The following CRTAM variants were observed in gnomAD, a reference collection of about 807,000 sequenced individuals.
The protein encoded by CRTAM is cytotoxic and regulatory T-cell molecule.
CRTAM carries 44 observed loss-of-function variants against 50.0 expected under a neutral mutation model. The observed-to-expected ratio is 0.88, with a 90% CI of 0.69 to 1.13. The LOEUF is 1.13. Among genes scored for constraint, CRTAM ranks in the 50% most tolerant of loss-of-function variants. The pLI, the probability that CRTAM is intolerant of heterozygous loss-of-function variation, is 0.00. For synonymous variants in CRTAM, 159 were observed against 169.3 expected (o/e 0.94, Z 0.47); for missense variants, 448 against 457.5 (o/e 0.98, Z 0.19).
chr11:122,845,457 C>A (rs1458858121), intron 1 of CRTAM, among the ~76,000 whole-genome samples: 2 of 151,988 alleles, frequency 1.3e-5, no homozygotes, highest in African/African-American at 4.8e-5. Context: ...GCCTGTAATC[C>A]CAGCACTTTG....
intron 1 of CRTAM, among the ~76,000 whole-genome samples, chr11:122,849,560 A>G (rs1468578053): frequency 1.3e-5 from 2 of 152,076 alleles, no homozygotes; most frequent in Non-Finnish European, 2.9e-5. Flanking sequence ...CGTCTCTACT[A>G]AAAACACAAA....
At chr11:122,839,674 T>G (rs1861776334) in intron 1 of CRTAM, among the ~76,000 whole-genome samples, 1 of 152,150 alleles carries the variant, frequency 6.6e-6, no homozygotes, top group Non-Finnish European at 1.5e-5. Flanking sequence ...TACAATTGTA[T>G]CAGATTCATG....
rs181278785 is a variant in CRTAM at position 122,854,498 on chromosome 11, C to T, written c.490+412C>T. ...GACCAGCCTGACCAACATGGAGAAA[C>T]CTCGTCCCTACTAAAAATAAAATTA... On this transcript the variant is annotated intron_variant, in intron 4 of 9. Coordinates refer to ENST00000227348, the MANE Select transcript of CRTAM (RefSeq NM_019604.4). Among the ~76,000 whole-genome samples the T allele has an allele frequency of 2.6e-4, 38 of 147,712 alleles. No individual in the cohort carries two copies. In the South Asian group the frequency reaches 4.3e-3, roughly 17 times the overall value.
At chr11:122,861,402 ATATATATATATATATATATTT>A (rs1862074372) in intron 5 of CRTAM, among the ~76,000 whole-genome samples, 3 of 17,186 alleles carry the variant, frequency 1.7e-4, no homozygotes, top group East Asian at 2.8e-3. Context: ...ATATATATAT[ATATATATATATATATATATTT>A]TTTTTTTTTT....
chr11:122,858,130 T>C (rs1269811710), intron 5 of CRTAM, among the ~76,000 whole-genome samples: 1 of 152,166 alleles, frequency 6.6e-6, no homozygotes, highest in Non-Finnish European at 1.5e-5. Flanking sequence ...CAGGCTGGTC[T>C]CAAAACTCCT....
chr11:122,868,220 G>A, intron 9 of CRTAM, 121 bp downstream of exon 9: 1 of 620,324 alleles, frequency 1.6e-6, no homozygotes, highest in Non-Finnish European at 2.9e-6. Flanking sequence ...GTGTGTGTGT[G>A]TGTGTGTGTG....
chr11:122,851,862 G>A lies in CRTAM; in HGVS notation c.346+17G>A. 2.5e-6 allele frequency: 4 copies of A among 1,612,290 alleles called. No homozygotes were observed. Among genetic ancestry groups the A allele is most frequent in the South Asian group, 1.1e-5 (1 of 90,934 alleles). On this transcript the variant is annotated intron_variant, in intron 3 of 9. Coordinates refer to ENST00000227348, the MANE Select transcript of CRTAM (RefSeq NM_019604.4). Reference sequence around the variant, plus strand: ...TTGTGCTGGGTAGGTACCTGCAAGTGAACCCAGTAGGGGAGCAATATGGAT... The same window carrying A: ...TTGTGCTGGGTAGGTACCTGCAAGTAAACCCAGTAGGGGAGCAATATGGAT...
chr11:122,845,899 A>G (rs549321771), intron 1 of CRTAM, among the ~76,000 whole-genome samples: 5 of 152,116 alleles, frequency 3.3e-5, no homozygotes, highest in Non-Finnish European at 7.4e-5. Flanking sequence ...TATGTTTCCC[A>G]GGCTGGTCTC....
At chr11:122,864,870 T>C (rs924964096) in intron 7 of CRTAM, 151 bp downstream of exon 7, 3 of 612,010 alleles carry the variant, frequency 4.9e-6, no homozygotes, top group Non-Finnish European at 8.7e-6. Context: ...CTCCTTGATT[T>C]AGTTACCTCT....
chr11:122,871,087 A>C (rs772810664), intron 9 of CRTAM, among the ~76,000 whole-genome samples, 182 bp from the exon 10 acceptor site: 123 of 152,252 alleles, frequency 8.1e-4, no homozygotes, highest in Non-Finnish European at 1.5e-3. Flanking sequence ...TCAAAAAAAA[A>C]CCACGAAAAA....
chr11:122,842,531 G>A (rs1006037301), intron 1 of CRTAM, among the ~76,000 whole-genome samples: 15 of 152,008 alleles, frequency 9.9e-5, no homozygotes, highest in African/African-American at 3.1e-4. Flanking sequence ...CACCCGCCTC[G>A]GCCTCCCAAA....
At chr11:122,838,627 C>A in intron 1 of CRTAM, 35 bp downstream of exon 1, 1 of 1,606,844 alleles carries the variant, frequency 6.2e-7, no homozygotes, top group Non-Finnish European at 8.5e-7. Context: ...TGTTGCTCAG[C>A]TGACTTAATG....
At chr11:122,844,501 C>A (rs1428510523) in intron 1 of CRTAM, among the ~76,000 whole-genome samples, 1 of 152,228 alleles carries the variant, frequency 6.6e-6, no homozygotes, top group African/African-American at 2.4e-5. Context: ...CCATGTGTAA[C>A]TTTCTTCCAG....
intron 5 of CRTAM, among the ~76,000 whole-genome samples, chr11:122,859,439 A>AG (rs398076309): frequency 5.9e-5 from 9 of 151,686 alleles, no homozygotes; most frequent in South Asian, 2.1e-4. Context: ...ATGAAAAAAA[A>AG]AGTATATTTT....
chr11:122,855,875 T>C lies in CRTAM; in HGVS notation c.652+19T>C, dbSNP rs1862000237. 2 of 1,599,554 alleles carry C rather than the reference T, an allele frequency of 1.3e-6. No individual in the cohort carries two copies. Among genetic ancestry groups the C allele is most frequent in the African/African-American group, 1.3e-5 (1 of 74,358 alleles). ...GATTTGGGTAAGAAGAACTAATGATTCTCTTGAATAATTTTTGATTTACTT... is the reference window on the plus strand; with the variant it reads ...GATTTGGGTAAGAAGAACTAATGATCCTCTTGAATAATTTTTGATTTACTT... On this transcript the variant is annotated intron_variant, in intron 5 of 9. Transcript: ENST00000227348.
intron 6 of CRTAM, among the ~76,000 whole-genome samples, chr11:122,863,414 A>C (rs1371198072): frequency 6.6e-6 from 1 of 152,184 alleles, no homozygotes; most frequent in African/African-American, 2.4e-5. Context: ...GAGCAAGACT[A>C]TTAGCCTCAT....
In CRTAM at chr11:122,863,840, C is replaced by CTACGATTTTAT. The variant is rs763700605; in HGVS notation, c.734-792_734-782dup. On this transcript the variant is annotated intron_variant, in intron 6 of 9. Transcript: ENST00000227348. ...TAAAATTCCTTTCAGCTTTCCATTT[C>CTACGATTTTAT]TACGATTTTATTACATTTAATACCC... is the stretch of plus-strand genomic sequence containing the variant. Among the ~76,000 whole-genome samples the CTACGATTTTAT allele has an allele frequency of 5.6e-4, 85 of 152,136 alleles. 1 individual carries two copies. The highest frequency in any genetic ancestry group is 3.4e-3 in the Middle Eastern group (1 of 294).
chr11:122,858,715 G>C (rs897992876), intron 5 of CRTAM, among the ~76,000 whole-genome samples: 3 of 152,062 alleles, frequency 2.0e-5, no homozygotes, highest in Non-Finnish European at 4.4e-5. Context: ...TTTTTATAGA[G>C]ACAGAATCTC....
At chr11:122,858,802 A>G (rs529963051) in intron 5 of CRTAM, among the ~76,000 whole-genome samples, 1 of 152,324 alleles carries the variant, frequency 6.6e-6, no homozygotes, top group Non-Finnish European at 1.5e-5. Flanking sequence ...CACTGGGATT[A>G]GAGGCGTGAG....
Sources: allele counts gnomAD v4.1 joint callset (sites outside exome capture counted in the v4.1 genomes callset), GRCh38; gene constraint gnomAD v4.1.1; transcripts MANE v1.5; gene names NCBI Gene and HGNC (gene_info 2026-07-23, HGNC 2026-07-21).